Variants in NFIB observed in about 807,000 individuals in gnomAD.
NFIB encodes nuclear factor I B.
In NFIB, 11 loss-of-function variants were observed where a neutral mutation model predicts 61.5. That is an observed-to-expected ratio of 0.18 (90% confidence interval 0.11 to 0.30). The LOEUF is 0.30. Among genes scored for constraint, NFIB ranks in the 10% least tolerant of loss-of-function variants. NFIB has a pLI of 1.00. For missense variants in NFIB, 471 were observed against 608.9 expected, an observed-to-expected ratio of 0.77 and a Z score of 2.38; for synonymous variants, 260 against 216.5, an observed-to-expected ratio of 1.20 and a Z score of -1.76.
At chr9:14,339,217 T>C (rs2060921746) in intron 1 of NFIB, among the ~76,000 whole-genome samples, 1 of 152,196 alleles carries the variant, frequency 6.6e-6, no homozygotes, top group African/African-American at 2.4e-5. Flanking sequence ...GTAAATCACT[T>C]GGAACCCTGT....
chr9:14,104,016 C>T (rs2036173823), intron 10 of NFIB, among the ~76,000 whole-genome samples: 1 of 151,848 alleles, frequency 6.6e-6, no homozygotes, highest in Non-Finnish European at 1.5e-5. Flanking sequence ...CTCCCAAGTT[C>T]AAGCAATTCT....
chr9:14,505,764 G>C, the NFIB span, among the ~76,000 whole-genome samples: 1 of 152,102 alleles, frequency 6.6e-6, no homozygotes, highest in Non-Finnish European at 1.5e-5. Flanking sequence ...AGCTACCAGG[G>C]GCCCCCACCT....
intron 1 of NFIB, among the ~76,000 whole-genome samples, chr9:14,394,950 T>G (rs568776067): frequency 2.0e-5 from 3 of 152,364 alleles, no homozygotes; most frequent in Non-Finnish European, 4.4e-5. Context: ...TATTATTATA[T>G]TGATTACAAG....
intron 1 of NFIB, among the ~76,000 whole-genome samples, chr9:14,340,961 TATACGTTA>T (rs2060942622): frequency 1.3e-5 from 2 of 151,304 alleles, no homozygotes; most frequent in South Asian, 4.2e-4. Flanking sequence ...GGTTCTTATT[TATACGTTA>T]ATACTCGTTG....
the NFIB span, among the ~76,000 whole-genome samples, chr9:14,451,289 T>G: frequency 7.2e-5 from 11 of 152,384 alleles, no homozygotes; most frequent in East Asian, 2.1e-3. Context: ...CAGTTTATTC[T>G]TTATTACATC....
chr9:14,452,106 C>G, the NFIB span, among the ~76,000 whole-genome samples: 1 of 152,106 alleles, frequency 6.6e-6, no homozygotes, highest in East Asian at 1.9e-4. Flanking sequence ...CAGCAATTTG[C>G]ATTTCTGGTC....
At chr9:14,149,727 C>T (rs1054578581) in intron 5 of NFIB, among the ~76,000 whole-genome samples, 23 of 152,176 alleles carry the variant, frequency 1.5e-4, no homozygotes, top group African/African-American at 2.9e-4. Flanking sequence ...GTAAATGACA[C>T]ATTTTATTTT....
At position 14,146,677 on chromosome 9, in the gene NFIB, C is replaced by G; in HGVS notation, c.925+12G>C. 1 of 1,612,956 alleles carries G rather than the reference C, an allele frequency of 6.2e-7. No homozygotes were observed. The highest frequency in any genetic ancestry group is 8.5e-7 in the Non-Finnish European group (1 of 1,179,352). ...TACTCATGGTCTCTAGAGGCATCTC[C>G]TTATTACTCACCTTGATCTCTTTCG... On this transcript the variant is annotated intron_variant, in intron 6 of 10. Coordinates refer to ENST00000380953, the MANE Select transcript of NFIB (RefSeq NM_001190737.2).
chr9:14,426,806 T>G, the NFIB span, among the ~76,000 whole-genome samples: 1 of 152,106 alleles, frequency 6.6e-6, no homozygotes, highest in South Asian at 2.1e-4. Context: ...CAGTCCTACT[T>G]CCCTGCCTGG....
At chr9:14,135,899 A>G (rs1205208257) in intron 6 of NFIB, among the ~76,000 whole-genome samples, 8 of 152,184 alleles carry the variant, frequency 5.3e-5, no homozygotes, top group African/African-American at 1.9e-4. Context: ...ACACTTGAGC[A>G]TATTATTGTA....
At chr9:14,448,678 T>G in the NFIB span, among the ~76,000 whole-genome samples, 1 of 152,280 alleles carries the variant, frequency 6.6e-6, no homozygotes, top group African/African-American at 2.4e-5. Context: ...GGACTTTTAT[T>G]TTCTCTTGAA....
the NFIB span, among the ~76,000 whole-genome samples, chr9:14,497,365 ATT>A: frequency 1.3e-5 from 2 of 152,158 alleles, no homozygotes; most frequent in South Asian, 4.1e-4. Context: ...TGTTCAAATC[ATT>A]TTGTCCAAGG....
chr9:14,390,988 A>G (rs180754925), intron 1 of NFIB, among the ~76,000 whole-genome samples: 31 of 152,360 alleles, frequency 2.0e-4, no homozygotes, highest in Admixed American at 1.5e-3. Context: ...GATTGCATAT[A>G]TAAAGAAATG....
chr9:14,103,130 C>G (rs551322829), intron 10 of NFIB, among the ~76,000 whole-genome samples: 1 of 152,158 alleles, frequency 6.6e-6, no homozygotes, highest in Admixed American at 6.5e-5. Context: ...ATTTAAAATA[C>G]TTTACTACAT....
chr9:14,447,436 G>A, the NFIB span, among the ~76,000 whole-genome samples: 10 of 152,100 alleles, frequency 6.6e-5, no homozygotes, highest in South Asian at 2.1e-4. Context: ...TCATTCACCC[G>A]GTGGTACAAT....
At chr9:14,416,640 TA>T in the NFIB span, among the ~76,000 whole-genome samples, 3 of 152,068 alleles carry the variant, frequency 2.0e-5, no homozygotes, top group Non-Finnish European at 2.9e-5. Flanking sequence ...GTTAACAAGT[TA>T]AAAAAATTAA....
chr9:14,329,488 C>G (rs2060795039), intron 1 of NFIB, among the ~76,000 whole-genome samples: 1 of 152,070 alleles, frequency 6.6e-6, no homozygotes, highest in Non-Finnish European at 1.5e-5. Context: ...GGCCCACTCA[C>G]AGTGAGTGAC....
chr9:14,362,846 G>T (rs35373599), intron 1 of NFIB: 75,422 of 151,766 alleles, frequency 0.5, 20,048 homozygotes, highest in African/African-American at 0.68. Context: ...CAGTGAGCTG[G>T]GATCCTGTCA....
At chr9:14,374,276 A>G (rs12378357) in intron 1 of NFIB, among the ~76,000 whole-genome samples, 5,592 of 152,170 alleles carry the variant, frequency 0.037, 126 homozygotes, top group Non-Finnish European at 0.051. Flanking sequence ...CCCAAAGAAA[A>G]GAAGAGAGAA....
Sources: gnomAD v4.1 joint callset for allele counts (sites outside exome capture counted in the v4.1 genomes callset) on GRCh38, gnomAD v4.1.1 for gene constraint, MANE v1.5 for transcripts, NCBI Gene and HGNC (gene_info 2026-07-23, HGNC 2026-07-21) for gene names.